The following PLA2G4A variants were observed in gnomAD, a reference collection of about 807,000 sequenced individuals.
PLA2G4A encodes cytosolic phospholipase A2.
PLA2G4A carries 40 observed loss-of-function variants against 81.9 expected under a neutral mutation model. That is an observed-to-expected ratio of 0.49 (90% CI 0.38 to 0.64). The LOEUF is 0.64. Among genes scored for constraint, PLA2G4A ranks in the 30% least tolerant of loss-of-function variants. The probability of loss-of-function intolerance (pLI) is 0.00; values close to 1 mark genes in which losing one functional copy is unlikely to be tolerated. For synonymous variants in PLA2G4A, 302 were observed against 296.9 expected (o/e 1.02, Z -0.18); for missense variants, 715 against 905.1 (o/e 0.79, Z 2.69).
rs1657976792 is a variant in PLA2G4A, at chr1:186,988,804, T to C, written c.*296T>C. 4.2e-6 allele frequency: 1 copy of C among 236,358 alleles called. No homozygotes were observed. The highest frequency in any genetic ancestry group is 8.5e-6 in the Non-Finnish European group (1 of 117,798). 14.6% of individuals were successfully genotyped at this position (236,358 alleles called of 1,614,324 possible). ...TTTCTCACCAACTTTCTTATGTGTG[T>C]TCTTTTTAAAAATTTTTTTTCTTTT... On this transcript the variant is annotated 3_prime_UTR_variant, in exon 18 of 18. Coordinates refer to ENST00000367466, the MANE Select transcript of PLA2G4A (RefSeq NM_024420.3).
chr1:186,940,754 G>A (rs985167219), intron 10 of PLA2G4A, among the ~76,000 whole-genome samples: 1 of 152,100 alleles, frequency 6.6e-6, no homozygotes, highest in Non-Finnish European at 1.5e-5. Context: ...ACATTTTCTG[G>A]AATTTTTAAA....
chr1:186,924,430 T>C (rs1558442979), intron 7 of PLA2G4A, among the ~76,000 whole-genome samples: 1 of 152,220 alleles, frequency 6.6e-6, no homozygotes, highest in Non-Finnish European at 1.5e-5. Flanking sequence ...TTTTGAAACA[T>C]TGTCTACTCT....
At chr1:186,830,948 TGC>T (rs1558338899) in intron 1 of PLA2G4A, among the ~76,000 whole-genome samples, 353 of 40,864 alleles carry the variant, frequency 8.6e-3, no homozygotes, top group East Asian at 0.018. Flanking sequence ...CTTGCTTGCT[TGC>T]TTGCTTGCTT....
intron 17 of PLA2G4A, 112 bp downstream of exon 17, chr1:186,979,584 C>T (rs1271287109): frequency 1.3e-6 from 1 of 747,942 alleles, no homozygotes; most frequent in African/African-American, 1.8e-5. Context: ...AATGACACCA[C>T]CCAAAATATG....
At position 186,854,300 on chromosome 1, in the gene PLA2G4A, A is replaced by G; in HGVS notation, c.-55A>G. 9.9e-7 allele frequency: 1 copy of G among 1,009,162 alleles called. No individual in the cohort carries two copies. The highest frequency in any genetic ancestry group is 1.6e-6 in the Non-Finnish European group (1 of 629,076). 62.5% of individuals were successfully genotyped at this position (1,009,162 alleles called of 1,614,324 possible). On this transcript the variant is annotated 5_prime_UTR_variant, in exon 2 of 18. Coordinates refer to ENST00000367466, the MANE Select transcript of PLA2G4A (RefSeq NM_024420.3). ...TTATTTTGTAGGTTTTAAAGACGCT[A>G]GAGTGCCAAAGAAGACTTTGAAGTG...
At chr1:186,984,604 C>T (rs1374226636) in intron 17 of PLA2G4A, among the ~76,000 whole-genome samples, 1 of 152,118 alleles carries the variant, frequency 6.6e-6, no homozygotes, top group African/African-American at 2.4e-5. Context: ...GATATTTCTT[C>T]ATCTTGATAA....
chr1:186,981,591 T>G (rs1293157821), intron 17 of PLA2G4A, among the ~76,000 whole-genome samples: 5 of 152,294 alleles, frequency 3.3e-5, no homozygotes, highest in East Asian at 3.9e-4. Flanking sequence ...ATTTATCATT[T>G]TAACCATTTT....
At chr1:186,961,951 T>C (rs767115858) in intron 14 of PLA2G4A, among the ~76,000 whole-genome samples, 3 of 152,194 alleles carry the variant, frequency 2.0e-5, no homozygotes, top group South Asian at 2.1e-4. Flanking sequence ...GAGTTTTAAA[T>C]TGCATGCCAT....
rs572361757 is a variant in PLA2G4A at position 186,837,904 on chromosome 1, T to C, written c.-70+8869T>C. Among the ~76,000 whole-genome samples, 17 of 152,074 alleles carry C rather than the reference T, an allele frequency of 1.1e-4. 2 individuals are homozygous for C. Among genetic ancestry groups the C allele is most frequent in the African/African-American group, 4.1e-4 (17 of 41,472 alleles). On this transcript the variant is annotated intron_variant, in intron 1 of 17. Transcript: ENST00000367466. The stretch of plus-strand genomic sequence containing the variant: ...CAGGTCTGTAACAGTAGGAGGAACA[T>C]TGCCTCCTTTGTGGCAGGGAGAAGG...
chr1:186,905,991 A>G (rs1396726851), intron 5 of PLA2G4A, among the ~76,000 whole-genome samples: 2 of 152,186 alleles, frequency 1.3e-5, no homozygotes, highest in African/African-American at 2.4e-5. Flanking sequence ...CTAATAATCT[A>G]TAGCATTTTA....
At chr1:186,924,448 C>T (rs570791713) in intron 7 of PLA2G4A, among the ~76,000 whole-genome samples, 24 of 152,332 alleles carry the variant, frequency 1.6e-4, no homozygotes, top group Non-Finnish European at 2.8e-4. Context: ...TCTTCACTTA[C>T]TCCCTTTTCA....
At chr1:186,833,265 A>G (rs1651661741) in intron 1 of PLA2G4A, among the ~76,000 whole-genome samples, 1 of 152,096 alleles carries the variant, frequency 6.6e-6, no homozygotes, top group South Asian at 2.1e-4. Context: ...ATATGGTGGC[A>G]TGCACCTGTA....
chr1:186,958,466 A>G (rs1384366314), intron 14 of PLA2G4A, among the ~76,000 whole-genome samples: 1 of 152,230 alleles, frequency 6.6e-6, no homozygotes, highest in Non-Finnish European at 1.5e-5. Flanking sequence ...GAGCTTAAAA[A>G]AACTACAAAT....
At chr1:186,853,123 A>G (rs1457046214) in intron 1 of PLA2G4A, among the ~76,000 whole-genome samples, 2 of 151,886 alleles carry the variant, frequency 1.3e-5, no homozygotes, top group African/African-American at 2.4e-5. Context: ...GGGAATCCTT[A>G]TTTTTTATAA....
chr1:186,856,100 G>A (rs535389209), intron 2 of PLA2G4A, among the ~76,000 whole-genome samples: 44 of 151,654 alleles, frequency 2.9e-4, no homozygotes, highest in Admixed American at 1.5e-3. Flanking sequence ...GCATGTACAC[G>A]CACATGCACA....
At chr1:186,877,736 A>C (rs997780750) in intron 3 of PLA2G4A, among the ~76,000 whole-genome samples, 8 of 138,058 alleles carry the variant, frequency 5.8e-5, no homozygotes, top group African/African-American at 1.8e-4. Flanking sequence ...AAAAAAAAGA[A>C]GCTTAATTCT....
At chr1:186,976,219 G>A (rs1033853425) in intron 15 of PLA2G4A, among the ~76,000 whole-genome samples, 3 of 152,042 alleles carry the variant, frequency 2.0e-5, no homozygotes, top group African/African-American at 4.8e-5. Context: ...GAACCTAGTC[G>A]ACCACTATTG....
At chr1:186,962,582 C>T (rs891091133) in intron 14 of PLA2G4A, among the ~76,000 whole-genome samples, 20 of 151,742 alleles carry the variant, frequency 1.3e-4, no homozygotes, top group African/African-American at 4.6e-4. Flanking sequence ...AGTGCAGCGG[C>T]GCGATCTCGG....
chr1:186,927,823 G>A (rs958551042), intron 7 of PLA2G4A, among the ~76,000 whole-genome samples: 1 of 152,200 alleles, frequency 6.6e-6, no homozygotes, highest in Admixed American at 6.5e-5. Context: ...GGAGATAAGA[G>A]AAATCAACCT....
Sources: gnomAD v4.1 joint callset for allele counts (sites outside exome capture counted in the v4.1 genomes callset) on GRCh38, gnomAD v4.1.1 for gene constraint, MANE v1.5 for transcripts, NCBI Gene and HGNC (gene_info 2026-07-23, HGNC 2026-07-21) for gene names.